The following SACS variants were observed in gnomAD, a reference collection of about 807,000 sequenced individuals.
SACS encodes sacsin.
In SACS, 197 loss-of-function variants were observed where a neutral mutation model predicts 348.0. That is an observed-to-expected ratio of 0.57 (90% CI 0.50 to 0.64). SACS has a LOEUF of 0.64. SACS is among the 30% of genes least tolerant of loss of function. The probability of loss-of-function intolerance (pLI) is 0.00; values close to 1 mark genes in which losing one functional copy is unlikely to be tolerated. For missense variants in SACS, 4,999 were observed against 5,360.8 expected (o/e 0.93, Z 2.11); for synonymous variants, 1,985 against 1,910.6 (o/e 1.04, Z -1.02).
intron 2 of SACS, among the ~76,000 whole-genome samples, chr13:23,388,202 C>T (rs1872374589): frequency 1.3e-5 from 2 of 152,030 alleles, no homozygotes; most frequent in East Asian, 1.9e-4. Flanking sequence ...GGAGCGGTGG[C>T]TCACACCTGT....
intron 2 of SACS, among the ~76,000 whole-genome samples, chr13:23,393,189 A>G (rs1006734367): frequency 3.3e-5 from 5 of 152,220 alleles, no homozygotes; most frequent in African/African-American, 1.2e-4. Context: ...CACCTCTCCA[A>G]GGACACCCAG....
intron 1 of SACS, chr13:23,427,672 C>T (rs1375994011): frequency 1.3e-5 from 2 of 152,218 alleles, no homozygotes; most frequent in African/African-American, 4.8e-5. Context: ...AGCTAAACGC[C>T]GCCCTTTGGC....
intron 2 of SACS, among the ~76,000 whole-genome samples, chr13:23,395,130 C>A (rs76083315): frequency 8.7e-6 from 1 of 114,404 alleles, no homozygotes; most frequent in Non-Finnish European, 1.9e-5. Flanking sequence ...CCTGGGCTTC[C>A]CTGTTTATTA....
intron 6 of SACS, 27 bp from the exon 7 acceptor site, chr13:23,358,508 A>G: frequency 6.2e-7 from 1 of 1,613,532 alleles, no homozygotes; most frequent in Non-Finnish European, 8.5e-7. Context: ...GCAGGCAGGA[A>G]TTCAAAAAAG....
chr13:23,370,789 C>G (rs911351879), intron 4 of SACS, among the ~76,000 whole-genome samples: 1 of 152,128 alleles, frequency 6.6e-6, no homozygotes, highest in Non-Finnish European at 1.5e-5. Context: ...ATGGTAAAAC[C>G]CTGTCTATAC....
Position 23,330,218 on chromosome 13 carries a change from G to A in SACS, c.13658C>T (p.Thr4553Ile), listed in dbSNP as rs1289981734. The part of the protein sequence containing the change: ...PFPQIPNDRF[T>I]SEVAMRVMEC... ...CATCACCCTCATAGCAACCTCAGAA[G>A]TGAACCTGTCATTTGGGATCTGAGG... The change falls in exon 10 of 10, where the codon ACT becomes ATT. Residue 4553 changes from threonine (T) to isoleucine (I), a missense_variant. By Grantham distance (89) the Thr-to-Ile change is moderately conservative (BLOSUM62 -1). Around this residue, in one of 6 missense-constraint regions of SACS, gnomAD observed 254 missense variants for 275.1 expected, o/e 0.92. Coordinates refer to ENST00000382292, the MANE Select transcript of SACS (RefSeq NM_014363.6). 1 of 1,613,926 alleles carries A rather than the reference G, an allele frequency of 6.2e-7. No individual in the cohort carries two copies. Among genetic ancestry groups the A allele is most frequent in the African/African-American group, 1.3e-5 (1 of 74,914 alleles).
At chr13:23,429,261 T>A (rs1374239474) in intron 1 of SACS, among the ~76,000 whole-genome samples, 1 of 149,498 alleles carries the variant, frequency 6.7e-6, no homozygotes, top group Non-Finnish European at 1.5e-5. Flanking sequence ...ATTATTTCTT[T>A]AAAAACTAAT....
chr13:23,335,009 A>C lies in SACS; in HGVS notation c.8867T>G (p.Leu2956Ter). The change falls in exon 10 of 10, where the codon TTA (leucine) becomes TGA (stop). Residue 2956 changes from leucine (L) to a stop codon, truncating the protein, a stop_gained. Transcript: ENST00000382292. LOFTEE classifies it high-confidence loss of function. The surrounding 1 kb of genome is among the most constrained non-coding windows in gnomAD (Gnocchi z 4.7). ...NTPIHVVKDTLKKFLSFFPVN... is the reference protein window; with the variant it reads ...NTPIHVVKDT ...TGGGAAAAACGATAAAAACTTCTTT[A>C]AAGTGTCCTTTACAACATGAATAGG... 6.2e-7 allele frequency: 1 copy of C among 1,613,844 alleles called. No individual in the cohort carries two copies.
chr13:23,426,821 A>G (rs188468383), intron 1 of SACS: 2 of 152,342 alleles, frequency 1.3e-5, no homozygotes, highest in African/African-American at 4.8e-5. Context: ...CAGAGAGCAG[A>G]GGAGTGACTT....
chr13:23,407,704 C>G (rs375197548), intron 2 of SACS, among the ~76,000 whole-genome samples: 5 of 152,188 alleles, frequency 3.3e-5, no homozygotes, highest in Non-Finnish European at 7.3e-5. Context: ...TTCTCTTTAA[C>G]CAAACATTAG....
intron 2 of SACS, among the ~76,000 whole-genome samples, chr13:23,383,641 C>T (rs1162590151): frequency 6.6e-6 from 1 of 152,118 alleles, no homozygotes; most frequent in Non-Finnish European, 1.5e-5. Flanking sequence ...ATGGCCCACC[C>T]TTGATAGCCC....
intron 2 of SACS, among the ~76,000 whole-genome samples, chr13:23,387,304 C>CA (rs1289530447): frequency 5.3e-5 from 8 of 151,358 alleles, no homozygotes; most frequent in South Asian, 2.1e-4. Flanking sequence ...CTAAAAAACA[C>CA]AAAAAAAATT....
At chr13:23,413,963 C>A (rs957437290) in intron 1 of SACS, among the ~76,000 whole-genome samples, 1 of 152,104 alleles carries the variant, frequency 6.6e-6, no homozygotes. Flanking sequence ...TAAAAGAGGT[C>A]ATGTATAATA....
chr13:23,330,056 G>T lies in SACS; in HGVS notation c.*80C>A. On this transcript the variant is annotated 3_prime_UTR_variant, in exon 10 of 10. Transcript: ENST00000382292. ...GTGCTTAACAATTCCTAGCTAATTGGCAATGAAGCTTAATGAAGTACAGCA... is the reference window on the plus strand; with the variant it reads ...GTGCTTAACAATTCCTAGCTAATTGTCAATGAAGCTTAATGAAGTACAGCA... 8.0e-7 allele frequency: 1 copy of T among 1,246,744 alleles called. No individual in the cohort carries two copies. The highest frequency in any genetic ancestry group is 1.2e-6 in the Non-Finnish European group (1 of 867,626). 77.2% of individuals were successfully genotyped at this position (1,246,744 alleles called of 1,614,324 possible).
intron 9 of SACS, among the ~76,000 whole-genome samples, chr13:23,346,203 T>C (rs1869591258): frequency 6.6e-6 from 1 of 152,236 alleles, no homozygotes. Flanking sequence ...TGGAGCTCAG[T>C]GGCGCGGTCT....
chr13:23,399,845 T>C (rs916580855), intron 2 of SACS, among the ~76,000 whole-genome samples: 2 of 151,988 alleles, frequency 1.3e-5, no homozygotes, highest in Non-Finnish European at 2.9e-5. Context: ...AGCCTTGAGA[T>C]AACCTCCCCT....
chr13:23,427,685 A>AG (rs1874242889), intron 1 of SACS: 1 of 152,266 alleles, frequency 6.6e-6, no homozygotes, highest in Admixed American at 6.5e-5. Context: ...CCTTTGGCAG[A>AG]GGTAGAGCCT....
At chr13:23,383,501 T>A (rs935738709) in intron 2 of SACS, among the ~76,000 whole-genome samples, 6 of 152,148 alleles carry the variant, frequency 3.9e-5, no homozygotes, top group African/African-American at 1.4e-4. Flanking sequence ...CTTGTCTCCA[T>A]CCCTCCTTCC....
chr13:23,398,761 T>C (rs533633190), intron 2 of SACS, among the ~76,000 whole-genome samples: 1 of 152,066 alleles, frequency 6.6e-6, no homozygotes, highest in South Asian at 2.1e-4. Flanking sequence ...CAGAGGAAGC[T>C]CTTAGATAAC....
Sources: gnomAD v4.1 joint callset for allele counts (sites outside exome capture counted in the v4.1 genomes callset) on GRCh38, gnomAD v4.1.1 for gene constraint, gnomAD v4.1.1 regional missense constraint, Gnocchi (gnomAD v3.1) non-coding constraint, MANE v1.5 for transcripts, NCBI Gene and HGNC (gene_info 2026-07-23, HGNC 2026-07-21) for gene names.